The following GRID2 variants were observed in gnomAD, a reference collection of about 807,000 sequenced individuals.
GRID2 encodes glutamate ionotropic receptor delta type subunit 2, also known as glutamate receptor ionotropic, delta-2.
A neutral mutation model predicts 114.8 loss-of-function variants in GRID2; 33 were observed. The ratio of observed to expected loss-of-function variants is 0.29; its 90% CI spans 0.22 to 0.38. The LOEUF is 0.38. Among genes scored for constraint, GRID2 ranks in the 10% least tolerant of loss-of-function variants. GRID2 has a pLI of 1.00. For synonymous variants in GRID2, 505 were observed against 449.9 expected (o/e 1.12, Z -1.55); for missense variants, 1,184 against 1,257.7 (o/e 0.94, Z 0.89).
At chr4:93,095,686 AAATC>A (rs1731156472) in intron 3 of GRID2, among the ~76,000 whole-genome samples, 2 of 152,052 alleles carry the variant, frequency 1.3e-5, no homozygotes, top group Admixed American at 6.6e-5. Context: ...ACCCAGAAAT[AAATC>A]TGCAAAATTT....
chr4:93,253,428 G>T (rs1749207147), intron 8 of GRID2, among the ~76,000 whole-genome samples: 1 of 151,914 alleles, frequency 6.6e-6, no homozygotes, highest in African/African-American at 2.4e-5. Context: ...ATTAATATTA[G>T]ATCGTTTTAA....
chr4:92,709,648 G>T (rs1349452903), intron 2 of GRID2, among the ~76,000 whole-genome samples: 1 of 148,792 alleles, frequency 6.7e-6, no homozygotes, highest in Non-Finnish European at 1.5e-5. Context: ...TTCTGAATTA[G>T]AGGGGAAGTG....
At chr4:93,177,667 G>A (rs1415435524) in intron 4 of GRID2, among the ~76,000 whole-genome samples, 1 of 152,100 alleles carries the variant, frequency 6.6e-6, no homozygotes, top group Non-Finnish European at 1.5e-5. Context: ...AAATTTTAAA[G>A]CATATTTTAT....
intron 14 of GRID2, among the ~76,000 whole-genome samples, chr4:93,677,041 A>G (rs925575245): frequency 1.3e-5 from 2 of 151,882 alleles, no homozygotes; most frequent in Non-Finnish European, 2.9e-5. Context: ...AAGGGGTGAC[A>G]GATGGCAGCT....
At chr4:93,478,769 A>G (rs1725575494) in intron 11 of GRID2, among the ~76,000 whole-genome samples, 1 of 152,088 alleles carries the variant, frequency 6.6e-6, no homozygotes, top group Admixed American at 6.6e-5. Context: ...AAGTGGTGGA[A>G]AGAAGGAACT....
intron 14 of GRID2, among the ~76,000 whole-genome samples, chr4:93,679,455 C>T (rs1460040889): frequency 6.6e-6 from 1 of 150,746 alleles, no homozygotes; most frequent in African/African-American, 2.5e-5. Flanking sequence ...AACTCTCCAC[C>T]CCAAATCAAC....
downstream of GRID2, chr4:93,774,701 A>C (rs1000067726): frequency 6.6e-6 from 1 of 152,298 alleles, no homozygotes; most frequent in African/African-American, 2.4e-5. Context: ...CTATGCCAAA[A>C]TGAATGGCTC....
At chr4:93,793,732 A>C (rs1430791858) in intron 1 of GRID2, among the ~76,000 whole-genome samples, 1 of 152,184 alleles carries the variant, frequency 6.6e-6, no homozygotes, top group Non-Finnish European at 1.5e-5. Context: ...GTCAAGAAGA[A>C]TTTTCCTGTG....
chr4:93,562,802 T>C (rs1298283769), intron 13 of GRID2, among the ~76,000 whole-genome samples: 2 of 152,112 alleles, frequency 1.3e-5, no homozygotes. Flanking sequence ...CTTTTCTCTA[T>C]TGTATTGCCT....
intron 4 of GRID2, among the ~76,000 whole-genome samples, chr4:93,200,192 GTTTTA>G (rs935071494): frequency 2.4e-4 from 36 of 152,252 alleles, no homozygotes; most frequent in African/African-American, 7.7e-4. Context: ...GAACATTGTG[GTTTTA>G]TTTTGTCTAT....
chr4:92,413,045 C>T (rs1371303151), intron 1 of GRID2, among the ~76,000 whole-genome samples: 1 of 152,086 alleles, frequency 6.6e-6, no homozygotes, highest in Non-Finnish European at 1.5e-5. Context: ...CAGTGAGTTT[C>T]CTTTTTAGTA....
intron 1 of GRID2, among the ~76,000 whole-genome samples, chr4:92,349,036 T>C (rs1259890515): frequency 2.6e-5 from 4 of 151,826 alleles, no homozygotes; most frequent in African/African-American, 4.8e-5. Context: ...CTATGATTAA[T>C]TGTAATGGGA....
At chr4:92,617,736 AT>A (rs778740841) in intron 2 of GRID2, among the ~76,000 whole-genome samples, 5 of 151,746 alleles carry the variant, frequency 3.3e-5, no homozygotes, top group Non-Finnish European at 7.4e-5. Flanking sequence ...TATGGTTTTC[AT>A]TTTAATTTCC....
chr4:93,390,614 AT>A (rs536214015), intron 8 of GRID2, among the ~76,000 whole-genome samples: 122 of 152,278 alleles, frequency 8.0e-4, no homozygotes, highest in African/African-American at 2.7e-3. Context: ...CTGAACTGGT[AT>A]GCTATATTGC....
chr4:93,345,079 C>T (rs111353085), intron 8 of GRID2, among the ~76,000 whole-genome samples: 1,872 of 148,660 alleles, frequency 0.013, 42 homozygotes, highest in African/African-American at 0.044. Flanking sequence ...TGGCTGATTC[C>T]GTATCTTGGC....
intron 13 of GRID2, among the ~76,000 whole-genome samples, chr4:93,538,496 CCATT>C (rs1252603533): frequency 7.9e-5 from 12 of 151,820 alleles, no homozygotes; most frequent in Non-Finnish European, 8.9e-5. Flanking sequence ...TTATACTCCT[CCATT>C]CACGCTTTAA....
At chr4:93,228,266 C>T (rs1265530398) in intron 7 of GRID2, among the ~76,000 whole-genome samples, 1 of 152,020 alleles carries the variant, frequency 6.6e-6, no homozygotes, top group Non-Finnish European at 1.5e-5. Context: ...AAGGGTTATC[C>T]TAGGTGAAAG....
At chr4:92,912,230 C>A (rs555095535) in intron 2 of GRID2, among the ~76,000 whole-genome samples, 1 of 151,894 alleles carries the variant, frequency 6.6e-6, no homozygotes, top group African/African-American at 2.4e-5. Flanking sequence ...GAGCTTTTAA[C>A]TTCGTAAAAG....
Position 93,652,718 on chromosome 4 carries a change from G to C in GRID2, c.2360+26283G>C, listed in dbSNP as rs776416497. 2.1e-5 allele frequency among the ~76,000 whole-genome samples: 3 copies of C among 144,118 alleles called. No individual in the cohort carries two copies. The East Asian group carries it at 6.6e-4, about 32-fold the overall frequency. 94.5% of individuals were successfully genotyped at this position (144,118 alleles called of 152,430 possible). A position where few individuals can be genotyped will look rare whatever the true frequency, so the allele number is the denominator to read the frequency against. ...TCTTGTTCAAGCCAGCCAGTCCATG[G>C]TACTTGGTTATGGCAGCCCTGGCAA... On this transcript the variant is annotated intron_variant, in intron 14 of 15. Transcript: ENST00000282020.
Sources: gnomAD v4.1 joint callset for allele counts (sites outside exome capture counted in the v4.1 genomes callset) on GRCh38, gnomAD v4.1.1 for gene constraint, MANE v1.5 for transcripts, NCBI Gene and HGNC (gene_info 2026-07-23, HGNC 2026-07-21) for gene names.